The following CFH variants were observed in gnomAD, a reference collection of about 807,000 sequenced individuals.
CFH encodes H factor 1 (complement).
In CFH, 53 loss-of-function variants were observed where a neutral mutation model predicts 147.3. The ratio of observed to expected loss-of-function variants is 0.36; its 90% CI spans 0.29 to 0.45. The LOEUF (loss-of-function observed/expected upper bound fraction) is 0.45. Among genes scored for constraint, CFH ranks in the 20% least tolerant of loss-of-function variants. CFH has a pLI of 1.00. For missense variants in CFH, 1,380 were observed against 1,498.0 expected, an observed-to-expected ratio of 0.92 and a Z score of 1.30; for synonymous variants, 536 against 489.4, an observed-to-expected ratio of 1.10 and a Z score of -1.26.
At chr1:196,717,173 T>C (rs570929752) in intron 11 of CFH, among the ~76,000 whole-genome samples, 3 of 152,112 alleles carry the variant, frequency 2.0e-5, no homozygotes, top group Non-Finnish European at 2.9e-5. Flanking sequence ...AACAGATTGC[T>C]TAATAAGTCA....
intron 6 of CFH, among the ~76,000 whole-genome samples, chr1:196,680,301 G>GA (rs778809013): frequency 1.3e-3 from 187 of 143,614 alleles, no homozygotes; most frequent in Non-Finnish European, 1.4e-3. Flanking sequence ...TGATGGTCCT[G>GA]GAAAATTACC....
chr1:196,741,836 A>G (rs1652817000), intron 18 of CFH, 39 bp from the exon 19 acceptor site: 15 of 1,591,742 alleles, frequency 9.4e-6, no homozygotes, highest in Non-Finnish European at 1.3e-5. Context: ...ACCTATTTTT[A>G]AAGATTTGCG....
At chr1:196,663,430 T>C (rs1232037701) in intron 1 of CFH, among the ~76,000 whole-genome samples, 1 of 152,234 alleles carries the variant, frequency 6.6e-6, no homozygotes, top group East Asian at 1.9e-4. Context: ...TAAAATCTGC[T>C]ACTACTTTGT....
intron 14 of CFH, among the ~76,000 whole-genome samples, chr1:196,727,539 G>A (rs185419788): frequency 4.1e-4 from 63 of 152,082 alleles, no homozygotes; most frequent in African/African-American, 1.5e-3. Flanking sequence ...GATTAAATAT[G>A]AGTACTAATT....
intron 6 of CFH, among the ~76,000 whole-genome samples, chr1:196,680,136 T>C (rs888362359): frequency 6.6e-6 from 1 of 151,716 alleles, no homozygotes; most frequent in Non-Finnish European, 1.5e-5. Context: ...GCTCCACTAA[T>C]GCCCAGAATT....
intron 8 of CFH, 58 bp from the exon 9 acceptor site, chr1:196,690,005 T>A: frequency 6.7e-7 from 1 of 1,489,668 alleles, no homozygotes; most frequent in Non-Finnish European, 9.2e-7. Flanking sequence ...ATATACTATT[T>A]TGAGCAAATT....
chr1:196,722,468 G>A (rs527459100), intron 11 of CFH, among the ~76,000 whole-genome samples: 5 of 152,142 alleles, frequency 3.3e-5, no homozygotes, highest in African/African-American at 9.6e-5. Flanking sequence ...TTAGTCTTAC[G>A]AGATTTCCGT....
At position 196,745,677 on chromosome 1, in the gene CFH, T is replaced by A. The variant is rs1374707077; in HGVS notation, c.3311-140T>A. 3.4e-6 allele frequency: 4 copies of A among 1,167,084 alleles called. No homozygotes were observed. In the East Asian group the frequency reaches 9.7e-5, roughly 28 times the overall value. The allele number at this position is 1,167,084 out of a possible 1,614,324, so 72.3% of individuals were successfully genotyped here. On this transcript the variant is annotated intron_variant, in intron 20 of 21. Transcript: ENST00000367429. ...ACTTTCAGTTTAAAGGGTTAAAATT[T>A]CTTCCAGGACTCATTTCTTTCACCA...
chr1:196,693,296 A>G lies in CFH; in HGVS notation c.1336+3057A>G, dbSNP rs1173848022. ...TCCTTTAAAATAGTCATTTAAATAA[A>G]AAATTTGCCAGATAAATCACAGAAT... On this transcript the variant is annotated intron_variant, in intron 9 of 21. Coordinates refer to ENST00000367429, the MANE Select transcript of CFH (RefSeq NM_000186.4). Among the ~76,000 whole-genome samples, 3 of 152,124 alleles carry G rather than the reference A, an allele frequency of 2.0e-5. 1 individual carries two copies. The highest frequency in any genetic ancestry group is 7.2e-5 in the African/African-American group (3 of 41,450).
chr1:196,746,975 T>A (rs1474314837), intron 21 of CFH, 136 bp from the exon 22 acceptor site: 1 of 1,440,494 alleles, frequency 6.9e-7, no homozygotes, highest in African/African-American at 1.5e-5. Context: ...AATATGATGT[T>A]TCTACATAGT....
rs768787918 is a variant in CFH, at chr1:196,747,262, A to T, written c.3645A>T (p.Arg1215=). 3.5e-5 allele frequency: 56 copies of T among 1,614,010 alleles called. No individual in the cohort carries two copies. The East Asian group carries it at 3.8e-4, about 11-fold the overall frequency. ...TTTCATCACGTTCTCACACATTGCG[A>T]ACAACATGTTGGGATGGGAAACTGG... ...YRLSSRSHTL[R]TTCWDGKLEY... Residue 1215 remains arginine (R), a synonymous_variant, in exon 22 of 22, where the codon CGA becomes CGT. Transcript: ENST00000367429.
chr1:196,694,724 T>C (rs12032372), intron 9 of CFH, among the ~76,000 whole-genome samples: 30,585 of 152,224 alleles, frequency 0.2, 3,549 homozygotes, highest in East Asian at 0.36. Context: ...TTTCTCATTG[T>C]GGTTTTGATT....
chr1:196,679,777 G>A lies in CFH; in HGVS notation c.774G>A (p.Pro258=), dbSNP rs146074007. ...DAVCTESGWR[P]LPSCEEKSCD... ...TATGCACTGAATCTGGATGGCGTCC[G>A]TTGCCTTCATGTGAAGGTAATGTTA... The change falls in exon 6 of 22, where the codon CCG becomes CCA. Residue 258 remains proline (P), a synonymous_variant. Coordinates refer to ENST00000367429, the MANE Select transcript of CFH (RefSeq NM_000186.4). The A allele has an allele frequency of 3.5e-5, 57 of 1,610,654 alleles. No individual in the cohort carries two copies. The highest frequency in any genetic ancestry group is 1.1e-4 in the African/African-American group (8 of 74,898).
intron 11 of CFH, among the ~76,000 whole-genome samples, chr1:196,724,106 C>T (rs1008273340): frequency 6.6e-6 from 1 of 152,000 alleles, no homozygotes; most frequent in African/African-American, 2.4e-5. Context: ...AAAGTGAATG[C>T]TACAGTCTTC....
chr1:196,687,857 C>T (rs1667880144), intron 7 of CFH, among the ~76,000 whole-genome samples: 2 of 151,882 alleles, frequency 1.3e-5, no homozygotes, highest in Admixed American at 1.3e-4. Context: ...AAAAATCTAT[C>T]AATTATAAGA....
chr1:196,693,265 G>A (rs905497049), intron 9 of CFH, among the ~76,000 whole-genome samples: 3 of 152,052 alleles, frequency 2.0e-5, no homozygotes, highest in Non-Finnish European at 4.4e-5. Context: ...CAAACTGGCT[G>A]TAGTTTCCTT....
rs970105300 is a variant in CFH, at chr1:196,728,232, T to A, written c.2237-114T>A. On this transcript the variant is annotated intron_variant, in intron 14 of 21. Coordinates refer to ENST00000367429, the MANE Select transcript of CFH (RefSeq NM_000186.4). ...ATAACTTGGTTGGTGAAATTTATAATGATTAAGTCATAATTTTACCATGCT... is the reference window on the plus strand; with the variant it reads ...ATAACTTGGTTGGTGAAATTTATAAAGATTAAGTCATAATTTTACCATGCT... The A allele has an allele frequency of 1.6e-4, 124 of 765,840 alleles. No individual in the cohort carries two copies. The African/African-American group carries it at 1.9e-3, about 12-fold the overall frequency. The allele number at this position is 765,840 out of a possible 1,614,324, so 47.4% of individuals were successfully genotyped here.
chr1:196,741,612 C>CA (rs1652811586), intron 18 of CFH: 2 of 427,452 alleles, frequency 4.7e-6, no homozygotes, highest in Non-Finnish European at 8.6e-6. Flanking sequence ...ATAATGTGAA[C>CA]AAAAAAATGT....
At chr1:196,724,265 G>C (rs777596613) in intron 11 of CFH, among the ~76,000 whole-genome samples, 2 of 151,938 alleles carry the variant, frequency 1.3e-5, no homozygotes, top group Non-Finnish European at 2.9e-5. Flanking sequence ...TATTTGTGCG[G>C]CTCTGGTGTT....
Sources: allele counts gnomAD v4.1 joint callset (sites outside exome capture counted in the v4.1 genomes callset), GRCh38; gene constraint gnomAD v4.1.1; transcripts MANE v1.5; gene names NCBI Gene and HGNC (gene_info 2026-07-23, HGNC 2026-07-21).